CERS6: variants seen among roughly 807,000 people sequenced by gnomAD.
The protein encoded by CERS6 is LAG1 homolog, ceramide synthase 6.
In CERS6, 26 loss-of-function variants were observed where a neutral mutation model predicts 56.8. The ratio of observed to expected loss-of-function variants is 0.46; its 90% confidence interval spans 0.34 to 0.63. The LOEUF (loss-of-function observed/expected upper bound fraction) is 0.63, where lower values mean the gene tolerates loss of function less well. Ranked by LOEUF, CERS6 falls within the 30% of genes least tolerant of loss-of-function variation. The pLI, the probability that CERS6 is intolerant of heterozygous loss-of-function variation, is 0.01. For synonymous variants in CERS6, 164 were observed against 173.3 expected (o/e 0.95, Z 0.42); for missense variants, 415 against 467.5 (o/e 0.89, Z 1.04).
At chr2:168,624,628 C>T (rs1290046279) in intron 3 of CERS6, among the ~76,000 whole-genome samples, 1 of 152,086 alleles carries the variant, frequency 6.6e-6, no homozygotes, top group African/African-American at 2.4e-5. Context: ...CCCAAGAGAA[C>T]CTACTATAAG....
rs149211732 is a variant in CERS6, at chr2:168,733,445, T to G, written c.845+15467T>G. Among the ~76,000 whole-genome samples the G allele has an allele frequency of 5.3e-3, 807 of 152,330 alleles. 2 individuals carry two copies. The highest frequency in any genetic ancestry group is 0.017 in the Middle Eastern group (5 of 294). On this transcript the variant is annotated intron_variant, in intron 8 of 9. Transcript: ENST00000305747. ...GAAGAGGAAAGAGAGTTAATTTTCC[T>G]TCATGTTAACACTGTTCCCAGTATG...
chr2:168,553,565 A>C (rs1695615786), intron 2 of CERS6, among the ~76,000 whole-genome samples: 1 of 152,200 alleles, frequency 6.6e-6, no homozygotes, highest in South Asian at 2.1e-4. Flanking sequence ...AATGTGAACT[A>C]AGAATTTTAT....
chr2:168,532,599 T>C (rs1165553860), intron 1 of CERS6, among the ~76,000 whole-genome samples: 1 of 152,192 alleles, frequency 6.6e-6, no homozygotes, highest in East Asian at 1.9e-4. Flanking sequence ...AGCTAAATTG[T>C]AGCTGTCTCA....
chr2:168,643,528 C>T (rs1048690266), intron 4 of CERS6, among the ~76,000 whole-genome samples: 1 of 152,076 alleles, frequency 6.6e-6, no homozygotes, highest in Non-Finnish European at 1.5e-5. Context: ...TGAATGCTAC[C>T]ACCAAAAATG....
chr2:168,530,929 C>T (rs551467438), intron 1 of CERS6, among the ~76,000 whole-genome samples: 262 of 152,288 alleles, frequency 1.7e-3, no homozygotes, highest in Middle Eastern at 0.017. Context: ...TTTTTAGCTA[C>T]TACCACAAAA....
At chr2:168,690,381 G>A (rs1349869694) in intron 4 of CERS6, among the ~76,000 whole-genome samples, 1 of 152,062 alleles carries the variant, frequency 6.6e-6, no homozygotes, top group East Asian at 1.9e-4. Flanking sequence ...ACCCCTCCCT[G>A]ATTATTACAA....
At chr2:168,518,794 G>A (rs1398919614) in intron 1 of CERS6, among the ~76,000 whole-genome samples, 1 of 152,194 alleles carries the variant, frequency 6.6e-6, no homozygotes, top group Non-Finnish European at 1.5e-5. Flanking sequence ...TCCCTGCAGA[G>A]CTGATGTCTT....
intron 3 of CERS6, among the ~76,000 whole-genome samples, chr2:168,599,749 C>A (rs993907113): frequency 1.3e-5 from 2 of 152,030 alleles, no homozygotes; most frequent in African/African-American, 2.4e-5. Flanking sequence ...TTATAAAGCA[C>A]CTAATTTATT....
chr2:168,672,030 G>T (rs1260083051), intron 4 of CERS6, among the ~76,000 whole-genome samples: 1 of 152,206 alleles, frequency 6.6e-6, no homozygotes, highest in Non-Finnish European at 1.5e-5. Flanking sequence ...TCTCAAAGTT[G>T]ATGGAACAGT....
intron 3 of CERS6, among the ~76,000 whole-genome samples, chr2:168,610,272 C>T (rs891914445): frequency 2.6e-5 from 4 of 152,110 alleles, no homozygotes; most frequent in Non-Finnish European, 5.9e-5. Flanking sequence ...CCACCACTCC[C>T]GGCCGACTGA....
At chr2:168,518,046 G>A (rs553986258) in intron 1 of CERS6, among the ~76,000 whole-genome samples, 3 of 152,250 alleles carry the variant, frequency 2.0e-5, no homozygotes, top group South Asian at 2.1e-4. Context: ...ATACATAACC[G>A]TTTTAAAGGA....
intron 1 of CERS6, among the ~76,000 whole-genome samples, chr2:168,513,617 G>A: frequency 6.6e-6 from 1 of 152,126 alleles, no homozygotes; most frequent in Non-Finnish European, 1.5e-5. Context: ...CATGTCAAGG[G>A]CATATACCAC....
intron 4 of CERS6, among the ~76,000 whole-genome samples, chr2:168,649,225 A>G (rs912836340): frequency 1.3e-5 from 2 of 151,964 alleles, no homozygotes; most frequent in Non-Finnish European, 2.9e-5. Flanking sequence ...TGGCCCTCCG[A>G]GGTCTGTGTT....
intron 4 of CERS6, among the ~76,000 whole-genome samples, chr2:168,643,362 C>T (rs934731018): frequency 3.9e-5 from 6 of 152,078 alleles, no homozygotes; most frequent in African/African-American, 1.4e-4. Flanking sequence ...TTGTTGTTGT[C>T]GGGTGGGGCT....
chr2:168,720,534 G>C (rs1252400289), intron 8 of CERS6, among the ~76,000 whole-genome samples: 3 of 152,114 alleles, frequency 2.0e-5, no homozygotes, highest in Admixed American at 6.5e-5. Context: ...ATAGTATACT[G>C]GTTAGCTGGG....
At chr2:168,654,688 A>G (rs1204642900) in intron 4 of CERS6, among the ~76,000 whole-genome samples, 2 of 152,242 alleles carry the variant, frequency 1.3e-5, no homozygotes, top group South Asian at 2.1e-4. Flanking sequence ...TTCTCTGGCC[A>G]TCGGTTAATA....
At chr2:168,615,488 A>G (rs1684294421) in intron 3 of CERS6, among the ~76,000 whole-genome samples, 1 of 152,076 alleles carries the variant, frequency 6.6e-6, no homozygotes, top group Admixed American at 6.6e-5. Flanking sequence ...GAAATGAGGG[A>G]AGAAATCTTT....
At position 168,769,556 on chromosome 2, in the gene CERS6, A is replaced by G. The variant is rs1230062061; in HGVS notation, c.1049A>G (p.Glu350Gly). ...GATATTGAGTCTAGCTCAGATGAGG[A>G]GGACTCAGAACCTCCGGGAAAGAAT... is the stretch of plus-strand genomic sequence containing the variant. ...RSDIESSSDE[E>G]DSEPPGKNPH... is the part of the protein sequence containing the mutation. Residue 350 changes from glutamate to glycine, a missense_variant, in exon 10 of 10, where the codon GAG becomes GGG. Physicochemically the swap from Glu to Gly is moderately conservative, Grantham distance 98. Coordinates refer to ENST00000305747, the MANE Select transcript of CERS6 (RefSeq NM_203463.3). 1 of 1,612,092 alleles carries G rather than the reference A, an allele frequency of 6.2e-7. No homozygotes were observed. Among genetic ancestry groups the G allele is most frequent in the East Asian group, 2.2e-5 (1 of 44,796 alleles).
chr2:168,698,707 G>A (rs757481784), intron 6 of CERS6, among the ~76,000 whole-genome samples: 48 of 152,046 alleles, frequency 3.2e-4, no homozygotes, highest in African/African-American at 1.1e-3. Flanking sequence ...AATAATTTTC[G>A]TAGGTGAATT....
Sources: gnomAD v4.1 joint callset for allele counts (sites outside exome capture counted in the v4.1 genomes callset) on GRCh38, gnomAD v4.1.1 for gene constraint, MANE v1.5 for transcripts, NCBI Gene and HGNC (gene_info 2026-07-23, HGNC 2026-07-21) for gene names.